PARD3B: variants seen among roughly 807,000 people sequenced by gnomAD.
PARD3B encodes partitioning defective 3 homolog B.
A neutral mutation model predicts 130.2 loss-of-function variants in PARD3B; 103 were observed. The observed-to-expected ratio is 0.79, with a 90% CI of 0.67 to 0.93. PARD3B has a LOEUF of 0.93. Among genes scored for constraint, PARD3B ranks in the 40% least tolerant of loss-of-function variants. The probability of loss-of-function intolerance (pLI) is 0.00; values close to 1 mark genes in which losing one functional copy is unlikely to be tolerated. For synonymous variants in PARD3B, 583 were observed against 553.2 expected (o/e 1.05, Z -0.76); for missense variants, 1,609 against 1,499.2 (o/e 1.07, Z -1.21).
At chr2:205,081,594 T>C (rs1701409499) in intron 4 of PARD3B, among the ~76,000 whole-genome samples, 1 of 152,098 alleles carries the variant, frequency 6.6e-6, no homozygotes, top group African/African-American at 2.4e-5. Context: ...CCTAATAGGC[T>C]GAGAGTTTTT....
At chr2:205,339,237 T>G (rs1027686989) in intron 18 of PARD3B, among the ~76,000 whole-genome samples, 7 of 152,168 alleles carry the variant, frequency 4.6e-5, no homozygotes, top group African/African-American at 1.2e-4. Flanking sequence ...AAATAAAATT[T>G]TAATGATAGT....
In PARD3B at chr2:205,122,031, A is replaced by G; in HGVS notation, c.1165+82A>G. ...AAGAGAAATGCATTAAGGCTAATTT[A>G]GTTAATTCTCCCTTCATTTAATTGT... On this transcript the variant is annotated intron_variant, in intron 8 of 22. Coordinates refer to ENST00000406610, the MANE Select transcript of PARD3B (RefSeq NM_001302769.2). This position sits in a 1 kb window ranked among gnomAD's most constrained non-coding sequence, Gnocchi z 4.3. 2 of 1,179,760 alleles carry G rather than the reference A, an allele frequency of 1.7e-6. No homozygotes were observed. The highest frequency in any genetic ancestry group is 1.5e-5 in the South Asian group (1 of 64,640). The allele number at this position is 1,179,760 out of a possible 1,614,324, so 73.1% of individuals were successfully genotyped here. A position where few individuals can be genotyped will look rare whatever the true frequency, so the allele number is the denominator to read the frequency against.
chr2:204,930,153 T>C (rs1687919834), intron 2 of PARD3B, among the ~76,000 whole-genome samples: 1 of 152,060 alleles, frequency 6.6e-6, no homozygotes, highest in South Asian at 2.1e-4. Flanking sequence ...CTTGCAAACA[T>C]GTTTAATTTT....
intron 20 of PARD3B, among the ~76,000 whole-genome samples, chr2:205,450,601 G>A (rs2048066493): frequency 6.6e-6 from 1 of 150,586 alleles, no homozygotes; most frequent in Non-Finnish European, 1.5e-5. Flanking sequence ...AGCCTCCTGA[G>A]TAGCTGGGAT....
At chr2:204,742,547 G>C (rs2040053085) in intron 2 of PARD3B, among the ~76,000 whole-genome samples, 1 of 152,156 alleles carries the variant, frequency 6.6e-6, no homozygotes, top group Non-Finnish European at 1.5e-5. Context: ...TAGAGCAAAA[G>C]CTGTTGCTCT....
At position 205,139,176 on chromosome 2, in the gene PARD3B, AT is replaced by A. The variant is rs113022094; in HGVS notation, c.1434+13451del. On this transcript the variant is annotated intron_variant, in intron 10 of 22. Coordinates refer to ENST00000406610, the MANE Select transcript of PARD3B (RefSeq NM_001302769.2). The stretch of plus-strand genomic sequence containing the variant: ...AGAAATGTAGCCAAAATTTATCAGT[AT>A]TTTTTTTTTTTAAGAAAAACAAAGG... Among the ~76,000 whole-genome samples the A allele has an allele frequency of 9.3e-3, 1,362 of 146,894 alleles. 17 individuals carry two copies. The highest frequency in any genetic ancestry group is 0.032 in the East Asian group (164 of 5,054).
chr2:205,471,278 A>G (rs2048818653), intron 20 of PARD3B, among the ~76,000 whole-genome samples: 2 of 151,028 alleles, frequency 1.3e-5, no homozygotes, highest in Admixed American at 6.6e-5. Flanking sequence ...GTCTTTTTCT[A>G]TATCTAGATG....
intron 1 of PARD3B, among the ~76,000 whole-genome samples, chr2:204,640,301 A>G (rs1448652056): frequency 2.0e-5 from 3 of 152,124 alleles, no homozygotes; most frequent in Non-Finnish European, 4.4e-5. Context: ...TTCACCACCT[A>G]TGTCCAGGAG....
intron 2 of PARD3B, among the ~76,000 whole-genome samples, chr2:204,694,581 G>A (rs1008611081): frequency 4.6e-5 from 7 of 151,938 alleles, no homozygotes; most frequent in South Asian, 2.1e-4. Context: ...ACCAAACTAC[G>A]TTGTCTCTTT....
chr2:205,516,270 C>T (rs2050789296), intron 21 of PARD3B, among the ~76,000 whole-genome samples: 1 of 152,010 alleles, frequency 6.6e-6, no homozygotes, highest in Admixed American at 6.6e-5. Context: ...ATTGCCTTTG[C>T]TATTTGGTCT....
At chr2:205,054,430 ATATATATTT>A (rs1179028004) in intron 4 of PARD3B, among the ~76,000 whole-genome samples, 14 of 37,706 alleles carry the variant, frequency 3.7e-4, no homozygotes, top group South Asian at 1.5e-3. Flanking sequence ...ATATATATAT[ATATATATTT>A]TTTTTTTTTT....
chr2:205,172,435 T>C (rs983066642), intron 12 of PARD3B, 54 bp downstream of exon 12: 7 of 1,541,992 alleles, frequency 4.5e-6, no homozygotes, highest in Non-Finnish European at 6.2e-6. Flanking sequence ...CACCAGAATA[T>C]GCAGACTTCC....
In PARD3B at chr2:204,935,401, T is replaced by A. The variant is rs184668323; in HGVS notation, c.223-29751T>A. 3.6e-3 allele frequency among the ~76,000 whole-genome samples: 540 copies of A among 148,196 alleles called. 6 individuals are homozygous for A. The highest frequency in any genetic ancestry group is 1.0e-2 in the South Asian group (47 of 4,702). On this transcript the variant is annotated intron_variant, in intron 2 of 22. Coordinates refer to ENST00000406610, the MANE Select transcript of PARD3B (RefSeq NM_001302769.2). Reference sequence around the variant, plus strand: ...AAAAAAAAAAAAAATTAGCCTGGCATGGTGACGGGCGCCTGTAGTCCCAGC... The same window carrying A: ...AAAAAAAAAAAAAATTAGCCTGGCAAGGTGACGGGCGCCTGTAGTCCCAGC...
At position 205,018,749 on chromosome 2, in the gene PARD3B, A is replaced by G. The variant is rs144021107; in HGVS notation, c.395-28832A>G. ...AAAAAAAAAAAAAAAAAAAAAAAAA[A>G]AGCACGCTGATTAATAAAATATGCT... is the stretch of plus-strand genomic sequence containing the variant. On this transcript the variant is annotated intron_variant, in intron 3 of 22. Coordinates refer to ENST00000406610, the MANE Select transcript of PARD3B (RefSeq NM_001302769.2). Among the ~76,000 whole-genome samples, 483 of 120,070 alleles carry G rather than the reference A, an allele frequency of 4.0e-3. 9 individuals are homozygous for G. The highest frequency in any genetic ancestry group is 4.6e-3 in the Non-Finnish European group (253 of 54,664). The allele number at this position is 120,070 out of a possible 152,430, so 78.8% of individuals were successfully genotyped here.
At chr2:205,512,527 A>T (rs1487116568) in intron 21 of PARD3B, among the ~76,000 whole-genome samples, 1 of 152,178 alleles carries the variant, frequency 6.6e-6, no homozygotes, top group African/African-American at 2.4e-5. Context: ...AGCAAAGTCA[A>T]AGTTGCACAT....
chr2:205,296,887 AAAT>A (rs567399880), intron 16 of PARD3B, among the ~76,000 whole-genome samples: 411 of 152,036 alleles, frequency 2.7e-3, no homozygotes, highest in African/African-American at 9.7e-3. Context: ...AAAAAAAAAA[AAAT>A]ATGTGGCATT....
intron 13 of PARD3B, among the ~76,000 whole-genome samples, chr2:205,182,802 C>T (rs2125779045): frequency 6.6e-6 from 1 of 152,324 alleles, no homozygotes; most frequent in South Asian, 2.1e-4. Flanking sequence ...AGGACCTAGG[C>T]TCCTTCCACT....
At chr2:205,571,667 A>G (rs959075394) in intron 22 of PARD3B, among the ~76,000 whole-genome samples, 2 of 152,224 alleles carry the variant, frequency 1.3e-5, no homozygotes, top group African/African-American at 4.8e-5. Context: ...AATAAAAGTC[A>G]CTTGGCTCTC....
rs185599438 is a variant in PARD3B, at chr2:205,535,350, C to A, written c.3181-17974C>A. Among the ~76,000 whole-genome samples the A allele has an allele frequency of 4.7e-4, 71 of 152,238 alleles. 1 individual carries two copies. The East Asian group carries it at 0.012, about 27-fold the overall frequency. On this transcript the variant is annotated intron_variant, in intron 21 of 22. Coordinates refer to ENST00000406610, the MANE Select transcript of PARD3B (RefSeq NM_001302769.2). ...TGGTACTCAGACTCTTTATTTGGTTCCTTTCTCCATGCCAAAAGAAGATGT... is the reference window on the plus strand; with the variant it reads ...TGGTACTCAGACTCTTTATTTGGTTACTTTCTCCATGCCAAAAGAAGATGT...
Sources: gnomAD v4.1 joint callset for allele counts (sites outside exome capture counted in the v4.1 genomes callset) on GRCh38, gnomAD v4.1.1 for gene constraint, Gnocchi (gnomAD v3.1) non-coding constraint, MANE v1.5 for transcripts, NCBI Gene and HGNC (gene_info 2026-07-23, HGNC 2026-07-21) for gene names.